Variants in CACNA1C observed in about 807,000 individuals in gnomAD.
CACNA1C encodes the protein voltage-dependent L-type calcium channel subunit alpha-1C.
In CACNA1C, 30 loss-of-function variants were observed where a neutral mutation model predicts 229.0. The ratio of observed to expected loss-of-function variants is 0.13; its 90% CI spans 0.10 to 0.18. CACNA1C has a LOEUF of 0.18. Ranked by LOEUF, CACNA1C falls within the 10% of genes least tolerant of loss-of-function variation. CACNA1C has a pLI of 1.00. For synonymous variants in CACNA1C, 1,114 were observed against 1,132.5 expected, an observed-to-expected ratio of 0.98 and a Z score of 0.33; for missense variants, 1,658 against 2,845.0, an observed-to-expected ratio of 0.58 and a Z score of 9.49.
At chr12:2,388,133 G>A (rs1292358143) in intron 3 of CACNA1C, among the ~76,000 whole-genome samples, 3 of 152,198 alleles carry the variant, frequency 2.0e-5, no homozygotes, top group Admixed American at 2.0e-4. Context: ...GCCAGGGGCT[G>A]GGGGGCTGGG....
chr12:2,137,610 A>G (rs1371532124), intron 3 of CACNA1C, among the ~76,000 whole-genome samples: 2 of 151,222 alleles, frequency 1.3e-5, no homozygotes, highest in African/African-American at 2.4e-5. Flanking sequence ...AAAGTGCCAT[A>G]TAAACATAGA....
rs1053856464 is a variant in CACNA1C, at chr12:2,152,789, C to T, written c.477+32359C>T. Among the ~76,000 whole-genome samples, 8 of 152,170 alleles carry T rather than the reference C, an allele frequency of 5.3e-5. No individual in the cohort carries two copies. Among genetic ancestry groups the T allele is most frequent in the Non-Finnish European group, 1.2e-4 (8 of 68,024 alleles). The stretch of plus-strand genomic sequence containing the variant: ...ACATGGAACCAGGAGGTGGAAGTGC[C>T]TTGTTTCTCCTCCTCCTCTTTCCGT... On this transcript the variant is annotated intron_variant, in intron 3 of 46. Coordinates refer to ENST00000399655, the MANE Select transcript of CACNA1C (RefSeq NM_000719.7). This position sits in a 1 kb window ranked among gnomAD's most constrained non-coding sequence, Gnocchi z 4.2.
chr12:2,253,263 C>T (rs920666249), intron 3 of CACNA1C, among the ~76,000 whole-genome samples: 3 of 152,218 alleles, frequency 2.0e-5, no homozygotes, highest in African/African-American at 4.8e-5. Flanking sequence ...ATTAGGAAGT[C>T]CTTCGAAGCC....
chr12:2,576,370 C>A (rs769883184), intron 13 of CACNA1C, among the ~76,000 whole-genome samples: 1 of 152,102 alleles, frequency 6.6e-6, no homozygotes, highest in Non-Finnish European at 1.5e-5. Flanking sequence ...GCCCACAGTA[C>A]TGAATGTGAG....
chr12:2,691,204 C>T lies in CACNA1C; in HGVS notation c.*5C>T, dbSNP rs1035940525. On this transcript the variant is annotated 3_prime_UTR_variant, in exon 47 of 47. Transcript: ENST00000399655. ...GTCTACGTCAGCAGCCTGTAGTGGG[C>T]GCTGCCAGATGCGGGCTTTTTTTTA... is the stretch of plus-strand genomic sequence containing the variant. 1.8e-5 allele frequency: 27 copies of T among 1,536,512 alleles called. No homozygotes were observed. The Admixed American group carries it at 3.3e-4, about 19-fold the overall frequency.
chr12:2,314,755 C>T (rs1051832527), intron 3 of CACNA1C, among the ~76,000 whole-genome samples: 1 of 152,022 alleles, frequency 6.6e-6, no homozygotes, highest in Non-Finnish European at 1.5e-5. Flanking sequence ...GGTGTTTCTA[C>T]CCATTCTGTC....
rs2098698866 is a variant in CACNA1C at position 2,403,199 on chromosome 12, A to G, written c.478-45777A>G. ...TTTTAACAGCCTTCATTCTTTTCCA[A>G]CTAGTGTCTCGCTGCCCTGCCCCAA... On this transcript the variant is annotated intron_variant, in intron 3 of 46. Coordinates refer to ENST00000399655, the MANE Select transcript of CACNA1C (RefSeq NM_000719.7). The surrounding 1 kb of genome is among the most constrained non-coding windows in gnomAD (Gnocchi z 4.1). Among the ~76,000 whole-genome samples, 2 of 152,160 alleles carry G rather than the reference A, an allele frequency of 1.3e-5. No homozygotes were observed. Among genetic ancestry groups the G allele is most frequent in the African/African-American group, 2.4e-5 (1 of 41,432 alleles).
intron 3 of CACNA1C, among the ~76,000 whole-genome samples, chr12:2,428,580 G>A (rs556644784): frequency 2.6e-5 from 4 of 152,210 alleles, no homozygotes; most frequent in Non-Finnish European, 4.4e-5. Context: ...TGCTCACTCT[G>A]AAAGGAGCCA....
chr12:2,057,794 C>T (rs1036993181), intron 1 of CACNA1C, among the ~76,000 whole-genome samples: 53 of 152,290 alleles, frequency 3.5e-4, no homozygotes, highest in African/African-American at 1.2e-3. Flanking sequence ...TGATTTTTCA[C>T]TGATGGTTTA....
chr12:2,438,340 AATG>A (rs1228230100), intron 3 of CACNA1C, among the ~76,000 whole-genome samples: 1 of 37,900 alleles, frequency 2.6e-5, no homozygotes, highest in African/African-American at 1.1e-4. Flanking sequence ...TGGTGATGAT[AATG>A]ATGATGGTGG....
At position 2,597,574 on chromosome 12, in the gene CACNA1C, T is replaced by C; in HGVS notation, c.2853+285T>C. On this transcript the variant is annotated intron_variant, in intron 21 of 46. Transcript: ENST00000399655. This position sits in a 1 kb window ranked among gnomAD's most constrained non-coding sequence, Gnocchi z 4.3. ...TCTGTGTGGCTGGATCTTTTGTCTT[T>C]TCTGTTTCTTTCACTCTCTCTTTTC... The C allele has an allele frequency of 1.0e-6, 1 of 961,064 alleles. No homozygotes were observed. The highest frequency in any genetic ancestry group is 1.7e-6 in the Non-Finnish European group (1 of 597,832). 59.5% of individuals were successfully genotyped at this position (961,064 alleles called of 1,614,324 possible). A position where few individuals can be genotyped will look rare whatever the true frequency, so the allele number is the denominator to read the frequency against.
chr12:2,021,041 T>A (rs2046354444), intron 1 of CACNA1C, among the ~76,000 whole-genome samples: 1 of 152,214 alleles, frequency 6.6e-6, no homozygotes, highest in Non-Finnish European at 1.5e-5. Flanking sequence ...CAACTATTTT[T>A]CCCTAATGGT....
In CACNA1C at chr12:2,467,051, G is replaced by T. The variant is rs2099556299; in HGVS notation, c.757+9345G>T. On this transcript the variant is annotated intron_variant, in intron 5 of 46. Coordinates refer to ENST00000399655, the MANE Select transcript of CACNA1C (RefSeq NM_000719.7). The surrounding 1 kb of genome is among the most constrained non-coding windows in gnomAD (Gnocchi z 4.6). ...ACTTACAAAGCTACTTATGAGGACA[G>T]GGGCATGTGCAGGGGGCCACCCCTG... 6.6e-6 allele frequency among the ~76,000 whole-genome samples: 1 copy of T among 152,196 alleles called. No homozygotes were observed. The highest frequency in any genetic ancestry group is 2.1e-4 in the South Asian group (1 of 4,834).
At chr12:2,361,520 C>T (rs2097558055) in intron 3 of CACNA1C, among the ~76,000 whole-genome samples, 1 of 152,126 alleles carries the variant, frequency 6.6e-6, no homozygotes, top group Non-Finnish European at 1.5e-5. Flanking sequence ...CCTTCTGCCT[C>T]CCTCCCTCCT....
rs1402710909 is a variant in CACNA1C at position 2,696,423 on chromosome 12, C to T, written c.*5224C>T. 1 of 152,288 alleles carries T rather than the reference C, an allele frequency of 6.6e-6. No homozygotes were observed. The highest frequency in any genetic ancestry group is 2.1e-4 in the South Asian group (1 of 4,828). 9.4% of individuals were successfully genotyped at this position (152,288 alleles called of 1,614,324 possible). ...CCTTCAGATCAGTTACTGGCTGCTA[C>T]ACAGGGACACCCCCACCTTTTCAGG... is the stretch of plus-strand genomic sequence containing the variant. On this transcript the variant is annotated 3_prime_UTR_variant, in exon 47 of 47. Coordinates refer to ENST00000399655, the MANE Select transcript of CACNA1C (RefSeq NM_000719.7).
At chr12:2,364,656 A>G (rs914769205) in intron 3 of CACNA1C, among the ~76,000 whole-genome samples, 1 of 152,230 alleles carries the variant, frequency 6.6e-6, no homozygotes, top group Non-Finnish European at 1.5e-5. Flanking sequence ...AAGTGGGAGC[A>G]GCTCTAGGGA....
chr12:2,150,225 C>T (rs551102774), intron 3 of CACNA1C, among the ~76,000 whole-genome samples: 4 of 152,254 alleles, frequency 2.6e-5, no homozygotes, highest in Non-Finnish European at 5.9e-5. Flanking sequence ...TCTGGCTGCA[C>T]TGTAAAAATA....
intron 1 of CACNA1C, among the ~76,000 whole-genome samples, chr12:2,021,195 T>C (rs376048654): frequency 2.0e-5 from 3 of 152,202 alleles, no homozygotes; most frequent in African/African-American, 7.2e-5. Flanking sequence ...TAGATCATTT[T>C]TTATGTTGTC....
At chr12:2,110,745 G>T (rs965757833) in intron 1 of CACNA1C, among the ~76,000 whole-genome samples, 1 of 152,202 alleles carries the variant, frequency 6.6e-6, no homozygotes, top group Non-Finnish European at 1.5e-5. Flanking sequence ...AGCCACATAT[G>T]ACTGGTAGCC....
Sources: gnomAD v4.1 joint callset for allele counts (sites outside exome capture counted in the v4.1 genomes callset) on GRCh38, gnomAD v4.1.1 for gene constraint, Gnocchi (gnomAD v3.1) non-coding constraint, MANE v1.5 for transcripts, NCBI Gene and HGNC (gene_info 2026-07-23, HGNC 2026-07-21) for gene names.